The following LRRIQ3 variants were observed in gnomAD, a reference collection of about 807,000 sequenced individuals.
LRRIQ3 encodes the protein leucine-rich repeat and IQ domain-containing protein 3.
LRRIQ3 carries 75 observed loss-of-function variants against 59.3 expected under a neutral mutation model. The ratio of observed to expected loss-of-function variants is 1.26; its 90% confidence interval spans 1.05 to 1.53. The LOEUF is 1.53. Among genes scored for constraint, LRRIQ3 ranks in the 40% most tolerant of loss-of-function variants. LRRIQ3 has a pLI of 0.00. For missense variants in LRRIQ3, 831 were observed against 710.0 expected, an observed-to-expected ratio of 1.17 and a Z score of -1.94; for synonymous variants, 250 against 231.3, an observed-to-expected ratio of 1.08 and a Z score of -0.73.
intron 4 of LRRIQ3, among the ~76,000 whole-genome samples, chr1:74,129,260 G>T (rs952664587): frequency 6.6e-6 from 1 of 151,958 alleles, no homozygotes; most frequent in East Asian, 1.9e-4. Context: ...CCTTGAGTCA[G>T]TTACTTTAGG....
chr1:74,122,955 T>C (rs1370068557), intron 4 of LRRIQ3, among the ~76,000 whole-genome samples: 1 of 152,152 alleles, frequency 6.6e-6, no homozygotes, highest in East Asian at 1.9e-4. Context: ...ATATCCAGAA[T>C]CTACAATGAA....
At chr1:74,112,022 G>A (rs193152184) in intron 4 of LRRIQ3, among the ~76,000 whole-genome samples, 2 of 152,232 alleles carry the variant, frequency 1.3e-5, no homozygotes, top group Admixed American at 6.5e-5. Context: ...AACGGGGAGA[G>A]AATACTGGAG....
chr1:74,183,776 T>A, intron 1 of LRRIQ3, 92 bp from the exon 2 acceptor site: 1 of 1,065,834 alleles, frequency 9.4e-7, no homozygotes, highest in Non-Finnish European at 1.3e-6. Flanking sequence ...ATAGCGCAAG[T>A]AAAAAGTGTT....
chr1:74,110,579 G>A (rs1220584689), intron 4 of LRRIQ3, among the ~76,000 whole-genome samples: 1 of 151,976 alleles, frequency 6.6e-6, no homozygotes, highest in Non-Finnish European at 1.5e-5. Flanking sequence ...CATCCATTCT[G>A]AGTGATAAAA....
chr1:74,072,506 T>C (rs902401658), intron 6 of LRRIQ3, among the ~76,000 whole-genome samples: 6 of 151,898 alleles, frequency 4.0e-5, no homozygotes, highest in Admixed American at 3.3e-4. Flanking sequence ...TATATATATA[T>C]TTTTTAATTG....
At chr1:74,176,751 C>G (rs1649666028) in intron 3 of LRRIQ3, among the ~76,000 whole-genome samples, 1 of 152,036 alleles carries the variant, frequency 6.6e-6, no homozygotes, top group Non-Finnish European at 1.5e-5. Flanking sequence ...AAGTCTTGAT[C>G]TCCATTAGTG....
chr1:74,163,193 C>A (rs1334616429), intron 3 of LRRIQ3, among the ~76,000 whole-genome samples: 1 of 151,246 alleles, frequency 6.6e-6, no homozygotes, highest in Non-Finnish European at 1.5e-5. Context: ...TAAAACATAC[C>A]AATCCCATAA....
At chr1:74,099,547 C>T (rs1455101625) in intron 5 of LRRIQ3, among the ~76,000 whole-genome samples, 2 of 152,136 alleles carry the variant, frequency 1.3e-5, no homozygotes, top group African/African-American at 2.4e-5. Context: ...TCCTCCCTAA[C>T]TCATTTTATA....
chr1:74,054,343 A>G (rs115612154), intron 6 of LRRIQ3, among the ~76,000 whole-genome samples: 89 of 152,338 alleles, frequency 5.8e-4, no homozygotes, highest in African/African-American at 2.1e-3. Flanking sequence ...CCTGTAAATA[A>G]TAGTAAAAAC....
chr1:74,154,240 C>CAAACAAAAAAAAAAAAAAAAAAAAAAAA (rs1648176929), intron 4 of LRRIQ3, among the ~76,000 whole-genome samples: 1 of 57,290 alleles, frequency 1.7e-5, no homozygotes, highest in African/African-American at 7.3e-5. Flanking sequence ...GACTCCTTCT[C>CAAACAAAAAAAAAAAAAAAAAAAAAAAA]AAAAAAAAAA....
chr1:74,170,307 A>G (rs1649244949), intron 3 of LRRIQ3, among the ~76,000 whole-genome samples: 1 of 152,200 alleles, frequency 6.6e-6, no homozygotes, highest in Non-Finnish European at 1.5e-5. Flanking sequence ...TTATAGATTC[A>G]GATCTTACCT....
intron 5 of LRRIQ3, among the ~76,000 whole-genome samples, chr1:74,087,747 C>G (rs893889989): frequency 1.3e-4 from 20 of 151,978 alleles, no homozygotes; most frequent in Non-Finnish European, 2.9e-4. Context: ...TAAAGACCAT[C>G]ATATTTGCAT....
At chr1:74,056,675 A>G (rs1654544630) in intron 6 of LRRIQ3, among the ~76,000 whole-genome samples, 1 of 152,216 alleles carries the variant, frequency 6.6e-6, no homozygotes. Context: ...AAATATTTAT[A>G]TAACATAAAA....
intron 5 of LRRIQ3, among the ~76,000 whole-genome samples, chr1:74,100,846 G>A (rs1415163599): frequency 6.6e-6 from 1 of 152,112 alleles, no homozygotes. Flanking sequence ...TGGGAAAACT[G>A]GCTAGCCATA....
At chr1:74,170,939 A>G (rs1377353201) in intron 3 of LRRIQ3, among the ~76,000 whole-genome samples, 1 of 152,082 alleles carries the variant, frequency 6.6e-6, no homozygotes, top group African/African-American at 2.4e-5. Flanking sequence ...GCTATTTTAA[A>G]TGAGATTGCT....
intron 1 of LRRIQ3, among the ~76,000 whole-genome samples, chr1:74,196,002 A>AT (rs566984037): frequency 4.9e-4 from 73 of 150,202 alleles, no homozygotes; most frequent in African/African-American, 1.1e-3. Flanking sequence ...GTATTTTTTA[A>AT]TTTTTTTTTT....
At chr1:74,063,068 ACAAAACAAAAAAAAT>A (rs1219099039) in intron 6 of LRRIQ3, among the ~76,000 whole-genome samples, 2 of 151,106 alleles carry the variant, frequency 1.3e-5, no homozygotes, top group Non-Finnish European at 1.5e-5. Flanking sequence ...CCAAAGCAAA[ACAAAACAAAAAAAAT>A]CAAAACAAAA....
At chr1:74,103,753 A>G (rs1264487618) in intron 5 of LRRIQ3, among the ~76,000 whole-genome samples, 1 of 151,866 alleles carries the variant, frequency 6.6e-6, no homozygotes, top group Non-Finnish European at 1.5e-5. Flanking sequence ...TTTGGCTTGT[A>G]ATATTATGGA....
At chr1:74,098,660 C>T (rs1372619414) in intron 5 of LRRIQ3, among the ~76,000 whole-genome samples, 2 of 152,138 alleles carry the variant, frequency 1.3e-5, no homozygotes, top group African/African-American at 4.8e-5. Flanking sequence ...GCAAGTAAAG[C>T]ACTCCTCAGC....
Sources: gnomAD v4.1 joint callset for allele counts (sites outside exome capture counted in the v4.1 genomes callset) on GRCh38, gnomAD v4.1.1 for gene constraint, MANE v1.5 for transcripts, NCBI Gene and HGNC (gene_info 2026-07-23, HGNC 2026-07-21) for gene names.